MVB12B: variants seen among roughly 807,000 people sequenced by gnomAD.
MVB12B encodes multivesicular body subunit 12B.
Under a neutral mutation model 41.6 loss-of-function variants are expected in MVB12B, and 16 were observed. That is an observed-to-expected ratio of 0.38 (90% CI 0.26 to 0.58). The LOEUF (loss-of-function observed/expected upper bound fraction) is 0.58, where lower values mean the gene tolerates loss of function less well. Ranked by LOEUF, MVB12B falls within the 20% of genes least tolerant of loss-of-function variation. MVB12B has a pLI of 0.62. For synonymous variants in MVB12B, 133 were observed against 139.7 expected (o/e 0.95, Z 0.34); for missense variants, 274 against 380.2 (o/e 0.72, Z 2.32).
chr9:126,401,475 G>T (rs1267195338), intron 6 of MVB12B, among the ~76,000 whole-genome samples: 1 of 152,344 alleles, frequency 6.6e-6, no homozygotes, highest in East Asian at 1.9e-4. Flanking sequence ...GATTGCAGAA[G>T]ATCTGTCACA....
At chr9:126,400,303 G>A (rs1224324405) in intron 6 of MVB12B, among the ~76,000 whole-genome samples, 1 of 152,168 alleles carries the variant, frequency 6.6e-6, no homozygotes, top group Non-Finnish European at 1.5e-5. Flanking sequence ...CAGGTGGACT[G>A]AAGTTACAAG....
chr9:126,498,387 C>T lies in MVB12B; in HGVS notation c.874-4790C>T, dbSNP rs1833882557. 2.0e-5 allele frequency among the ~76,000 whole-genome samples: 3 copies of T among 152,314 alleles called. No homozygotes were observed. In the South Asian group the frequency reaches 6.2e-4, roughly 32 times the overall value. On this transcript the variant is annotated intron_variant, in intron 9 of 9. Coordinates refer to ENST00000361171, the MANE Select transcript of MVB12B (RefSeq NM_033446.3). ...AGCCCACCCATCAGTGTCTGTCCACCCCTGCACCAGACTCTTCTCGTTGGC... is the reference window on the plus strand; with the variant it reads ...AGCCCACCCATCAGTGTCTGTCCACTCCTGCACCAGACTCTTCTCGTTGGC...
At chr9:126,474,113 G>A (rs1206395082) in intron 7 of MVB12B, among the ~76,000 whole-genome samples, 1 of 152,192 alleles carries the variant, frequency 6.6e-6, no homozygotes, top group Admixed American at 6.5e-5. Flanking sequence ...GACTGGTCAG[G>A]CAGCGTGGGG....
At chr9:126,396,181 G>A (rs902449136) in intron 6 of MVB12B, 63 of 986,638 alleles carry the variant, frequency 6.4e-5, no homozygotes, top group East Asian at 1.1e-4. Context: ...GAATAGTGAG[G>A]AGTTTTTCAG....
At chr9:126,365,485 A>G (rs10819149) in intron 2 of MVB12B, among the ~76,000 whole-genome samples, 25,271 of 151,808 alleles carry the variant, frequency 0.17, 2,721 homozygotes, top group East Asian at 0.43. Context: ...GGCATCCACC[A>G]TCGTGCCCAG....
chr9:126,457,087 A>C (rs1832999157), intron 7 of MVB12B, among the ~76,000 whole-genome samples: 1 of 152,040 alleles, frequency 6.6e-6, no homozygotes, highest in Admixed American at 6.5e-5. Flanking sequence ...TCCACATCGC[A>C]TGTGTGGCAG....
At position 126,480,194 on chromosome 9, in the gene MVB12B, C is replaced by T. The variant is rs1251249776; in HGVS notation, c.758-1175C>T. ...GCCACCACCTCAGGGTGCGGCCACC[C>T]CTGACTTCGGGGCTCCGCGTCCCTG... On this transcript the variant is annotated intron_variant, in intron 7 of 9. Transcript: ENST00000361171. The surrounding 1 kb of genome is among the most constrained non-coding windows in gnomAD (Gnocchi z 4.9). Among the ~76,000 whole-genome samples, 4 of 152,202 alleles carry T rather than the reference C, an allele frequency of 2.6e-5. No individual in the cohort carries two copies. Among genetic ancestry groups the T allele is most frequent in the Non-Finnish European group, 4.4e-5 (3 of 68,046 alleles).
intron 1 of MVB12B, among the ~76,000 whole-genome samples, chr9:126,332,309 G>A (rs1293734476): frequency 6.6e-6 from 1 of 152,106 alleles, no homozygotes. Flanking sequence ...CTTATTCATT[G>A]CTCTATCACC....
chr9:126,338,372 C>T (rs1034185881), intron 1 of MVB12B, among the ~76,000 whole-genome samples: 19 of 152,252 alleles, frequency 1.2e-4, no homozygotes, highest in African/African-American at 4.3e-4. Context: ...GGCATGGTGA[C>T]CCTCCTGCTG....
intron 9 of MVB12B, among the ~76,000 whole-genome samples, chr9:126,488,681 C>G (rs1408436754): frequency 6.6e-6 from 1 of 152,162 alleles, no homozygotes; most frequent in East Asian, 1.9e-4. Context: ...GAATACATGA[C>G]CGTCTTCATC....
At chr9:126,437,156 C>G (rs970639371) in intron 7 of MVB12B, among the ~76,000 whole-genome samples, 1 of 152,144 alleles carries the variant, frequency 6.6e-6, no homozygotes, top group Non-Finnish European at 1.5e-5. Flanking sequence ...TCTGAAAAGT[C>G]CAGCCCAGCC....
intron 1 of MVB12B, 176 bp downstream of exon 1, chr9:126,327,186 T>C (rs940756368): frequency 7.8e-4 from 733 of 943,132 alleles, no homozygotes; most frequent in Non-Finnish European, 9.1e-4. Flanking sequence ...GGGCGGCCTT[T>C]GCAGAGCCCC....
chr9:126,443,367 CAGGG>C (rs775850724), intron 7 of MVB12B, among the ~76,000 whole-genome samples: 364 of 152,234 alleles, frequency 2.4e-3, no homozygotes, highest in Non-Finnish European at 4.4e-3. Context: ...GGTTTTGCCT[CAGGG>C]TAGGAGGGAC....
chr9:126,487,801 A>G (rs10987299), intron 9 of MVB12B, among the ~76,000 whole-genome samples: 36,371 of 151,266 alleles, frequency 0.24, 4,697 homozygotes, highest in Non-Finnish European at 0.29. Flanking sequence ...ACAGGTCTGT[A>G]TTTGCTATTG....
At chr9:126,335,598 C>A (rs1446409778) in intron 1 of MVB12B, among the ~76,000 whole-genome samples, 1 of 152,220 alleles carries the variant, frequency 6.6e-6, no homozygotes, top group South Asian at 2.1e-4. Flanking sequence ...TGTATTCCTA[C>A]AGACCATCGC....
At position 126,340,221 on chromosome 9, in the gene MVB12B, A is replaced by G. The variant is rs2118820943; in HGVS notation, c.82-287A>G. Among the ~76,000 whole-genome samples, 1 of 152,216 alleles carries G rather than the reference A, an allele frequency of 6.6e-6. No homozygotes were observed. The highest frequency in any genetic ancestry group is 1.5e-5 in the Non-Finnish European group (1 of 68,016). ...AATCAAGCAGCTGGATGGCGGAGTT[A>G]AGAATGACGTGCTCTTGGGTTTGAG... On this transcript the variant is annotated intron_variant, in intron 1 of 9. Coordinates refer to ENST00000361171, the MANE Select transcript of MVB12B (RefSeq NM_033446.3). The surrounding 1 kb of genome is among the most constrained non-coding windows in gnomAD (Gnocchi z 4.0).
At chr9:126,488,128 A>C (rs930318694) in intron 9 of MVB12B, among the ~76,000 whole-genome samples, 1 of 152,236 alleles carries the variant, frequency 6.6e-6, no homozygotes. Flanking sequence ...CTCAGGGAGA[A>C]GTGGTGCCTG....
chr9:126,407,398 T>C (rs1831470171), intron 6 of MVB12B, among the ~76,000 whole-genome samples: 1 of 152,244 alleles, frequency 6.6e-6, no homozygotes, highest in South Asian at 2.1e-4. Flanking sequence ...CTCTGTGTGC[T>C]GGCCGGCATT....
intron 2 of MVB12B, among the ~76,000 whole-genome samples, chr9:126,353,019 A>T (rs941038216): frequency 6.6e-6 from 1 of 152,200 alleles, no homozygotes; most frequent in African/African-American, 2.4e-5. Flanking sequence ...GGCTGTTTGC[A>T]GGAGGGATTA....
Sources: gnomAD v4.1 joint callset for allele counts (sites outside exome capture counted in the v4.1 genomes callset) on GRCh38, gnomAD v4.1.1 for gene constraint, Gnocchi (gnomAD v3.1) non-coding constraint, MANE v1.5 for transcripts, NCBI Gene and HGNC (gene_info 2026-07-23, HGNC 2026-07-21) for gene names.